RBFOX1: variants seen among roughly 807,000 people sequenced by gnomAD.
RBFOX1 encodes the protein RNA binding protein fox-1 homolog 1.
In RBFOX1, 8 loss-of-function variants were observed where a neutral mutation model predicts 57.7. The ratio of observed to expected loss-of-function variants is 0.14; its 90% CI spans 0.08 to 0.25. The LOEUF is 0.25. Ranked by LOEUF, RBFOX1 falls within the 10% of genes least tolerant of loss-of-function variation. RBFOX1 has a pLI of 1.00. For synonymous variants in RBFOX1, 326 were observed against 222.4 expected, an observed-to-expected ratio of 1.47 and a Z score of -4.15; for missense variants, 611 against 548.5, an observed-to-expected ratio of 1.11 and a Z score of -1.14.
chr16:5,743,166 T>C (rs2052840020), intron 3 of RBFOX1, among the ~76,000 whole-genome samples: 1 of 152,204 alleles, frequency 6.6e-6, no homozygotes, highest in Admixed American at 6.5e-5. Context: ...ATATATGGGT[T>C]ACAGGTACAT....
At position 5,316,027 on chromosome 16, in the gene RBFOX1, C is replaced by G. The variant is rs149072687; in HGVS notation, c.219+75922C>G. Among the ~76,000 whole-genome samples the G allele has an allele frequency of 3.3e-5, 5 of 152,136 alleles. No homozygotes were observed. In the East Asian group the frequency reaches 9.6e-4, roughly 29 times the overall value. On this transcript the variant is annotated intron_variant, in intron 1 of 2. Coordinates refer to the RBFOX1 transcript ENST00000585867. ...TCCTCCCACTACCAGAGACCTCCCC[C>G]GCCCTACTCCTCTCCTTGCTGTCTC...
chr16:6,207,014 TA>T (rs1026090143), intron 1 of RBFOX1, among the ~76,000 whole-genome samples: 5 of 150,670 alleles, frequency 3.3e-5, no homozygotes, highest in East Asian at 1.9e-4. Flanking sequence ...TGCACTTGCT[TA>T]AAAAAAAATT....
chr16:5,394,505 T>G (rs1483016293), intron 1 of RBFOX1, among the ~76,000 whole-genome samples: 1 of 152,056 alleles, frequency 6.6e-6, no homozygotes, highest in Non-Finnish European at 1.5e-5. Context: ...TCAAATCTCT[T>G]TTTTACCCCT....
chr16:5,919,769 C>G (rs535558369), intron 4 of RBFOX1, among the ~76,000 whole-genome samples: 134 of 152,286 alleles, frequency 8.8e-4, no homozygotes, highest in Non-Finnish European at 1.3e-3. Context: ...TTAGGAGTGA[C>G]TCTGCATTCC....
intron 4 of RBFOX1, among the ~76,000 whole-genome samples, chr16:7,177,907 C>A (rs1044683594): frequency 3.9e-5 from 6 of 152,266 alleles, no homozygotes; most frequent in Non-Finnish European, 8.8e-5. Flanking sequence ...AGCTTCTGTT[C>A]TAGTGTAGTT....
intron 4 of RBFOX1, among the ~76,000 whole-genome samples, chr16:7,428,630 C>T (rs187633117): frequency 1.3e-5 from 2 of 151,318 alleles, no homozygotes; most frequent in Admixed American, 6.6e-5. Flanking sequence ...CTTGGCCTCC[C>T]ATAGTGCTGG....
chr16:6,260,109 G>A (rs982599024), intron 1 of RBFOX1, among the ~76,000 whole-genome samples: 2 of 152,062 alleles, frequency 1.3e-5, no homozygotes, highest in African/African-American at 4.8e-5. Context: ...AAATCTGCAG[G>A]CTCTTGATCC....
At chr16:6,007,662 C>T (rs528971029) in intron 4 of RBFOX1, among the ~76,000 whole-genome samples, 22 of 152,230 alleles carry the variant, frequency 1.4e-4, no homozygotes, top group South Asian at 4.1e-4. Context: ...CTTTAGTTTG[C>T]GTAAATAGTA....
At chr16:5,275,569 C>A (rs1229852722) in intron 1 of RBFOX1, among the ~76,000 whole-genome samples, 1 of 152,190 alleles carries the variant, frequency 6.6e-6, no homozygotes, top group Non-Finnish European at 1.5e-5. Flanking sequence ...ATTCCATGCT[C>A]ATGGATGGGT....
chr16:7,596,397 T>TA, intron 8 of RBFOX1, among the ~76,000 whole-genome samples: 1 of 152,084 alleles, frequency 6.6e-6, no homozygotes, highest in South Asian at 2.1e-4. Flanking sequence ...ACAAATGCTT[T>TA]AGTCTTTGGA....
intron 4 of RBFOX1, among the ~76,000 whole-genome samples, chr16:7,222,380 C>G (rs75776434): frequency 0.028 from 4,192 of 152,286 alleles, 201 homozygotes; most frequent in African/African-American, 0.096. Flanking sequence ...GAATACATTC[C>G]TCAGCAACTA....
At chr16:6,948,539 T>C (rs967858923) in intron 3 of RBFOX1, among the ~76,000 whole-genome samples, 1 of 151,764 alleles carries the variant, frequency 6.6e-6, no homozygotes, top group Admixed American at 6.6e-5. Flanking sequence ...CCCACCACCA[T>C]GCCCAGCTAA....
chr16:6,606,761 T>C, intron 2 of RBFOX1, among the ~76,000 whole-genome samples: 1 of 152,246 alleles, frequency 6.6e-6, no homozygotes, highest in South Asian at 2.1e-4. Flanking sequence ...CTATCATTGA[T>C]GGGCATTTTG....
At chr16:6,132,578 A>G (rs1026462073) in intron 1 of RBFOX1, among the ~76,000 whole-genome samples, 36 of 152,202 alleles carry the variant, frequency 2.4e-4, no homozygotes, top group Admixed American at 2.3e-3. Context: ...TCACTGGGGA[A>G]CATAGTCCAG....
chr16:7,672,093 C>T (rs1263992252), intron 13 of RBFOX1, among the ~76,000 whole-genome samples: 1 of 152,168 alleles, frequency 6.6e-6, no homozygotes, highest in African/African-American at 2.4e-5. Flanking sequence ...GCATACCTGA[C>T]ATCTAACATA....
At chr16:5,756,528 G>C (rs1051233802) in intron 3 of RBFOX1, among the ~76,000 whole-genome samples, 1 of 152,034 alleles carries the variant, frequency 6.6e-6, no homozygotes, top group Non-Finnish European at 1.5e-5. Flanking sequence ...TCACATCCAG[G>C]GGCCAATAAT....
intron 1 of RBFOX1, among the ~76,000 whole-genome samples, chr16:6,229,124 C>T (rs543426250): frequency 2.0e-5 from 3 of 152,132 alleles, no homozygotes; most frequent in South Asian, 2.1e-4. Flanking sequence ...TCCTCTGAGA[C>T]GTAGTTAAGA....
intron 2 of RBFOX1, among the ~76,000 whole-genome samples, chr16:5,536,228 CTTTT>C (rs57061495): frequency 2.9e-5 from 3 of 103,532 alleles, no homozygotes; most frequent in Admixed American, 1.1e-4. Context: ...AATCTCCTGT[CTTTT>C]TTTTTTTTTT....
At chr16:6,273,498 C>T (rs1025399113) in intron 1 of RBFOX1, among the ~76,000 whole-genome samples, 1 of 151,666 alleles carries the variant, frequency 6.6e-6, no homozygotes, top group Non-Finnish European at 1.5e-5. Context: ...GTACATGTCA[C>T]CATGTCCAGC....
Sources: gnomAD v4.1 joint callset for allele counts (sites outside exome capture counted in the v4.1 genomes callset) on GRCh38, gnomAD v4.1.1 for gene constraint, MANE v1.5 for transcripts, NCBI Gene and HGNC (gene_info 2026-07-23, HGNC 2026-07-21) for gene names.